Variants in PDZD2 observed in about 807,000 individuals in gnomAD.
PDZD2 encodes PDZ domain-containing protein 2.
Under a neutral mutation model 220.7 loss-of-function variants are expected in PDZD2, and 90 were observed. That is an observed-to-expected ratio of 0.41 (90% CI 0.34 to 0.49). The LOEUF is 0.49. Ranked by LOEUF, PDZD2 falls within the 20% of genes least tolerant of loss-of-function variation. The pLI, the probability that PDZD2 is intolerant of heterozygous loss-of-function variation, is 0.28. For synonymous variants in PDZD2, 1,375 were observed against 1,450.5 expected, an observed-to-expected ratio of 0.95 and a Z score of 1.18; for missense variants, 3,174 against 3,608.5, an observed-to-expected ratio of 0.88 and a Z score of 3.08.
chr5:32,029,993 T>C (rs1754996756), intron 6 of PDZD2, among the ~76,000 whole-genome samples: 1 of 152,086 alleles, frequency 6.6e-6, no homozygotes, highest in African/African-American at 2.4e-5. Context: ...CCAACTGGAG[T>C]TGGAGGGAAA....
At chr5:31,786,981 T>A (rs982128232) in intron 1 of PDZD2, among the ~76,000 whole-genome samples, 2 of 152,194 alleles carry the variant, frequency 1.3e-5, no homozygotes, top group Middle Eastern at 3.4e-3. Flanking sequence ...ATCCTGTTTT[T>A]AAAAAAAATC....
At chr5:31,779,619 T>C (rs1279250678) in intron 1 of PDZD2, among the ~76,000 whole-genome samples, 3 of 151,980 alleles carry the variant, frequency 2.0e-5, no homozygotes, top group African/African-American at 7.3e-5. Context: ...GTGATCCGCC[T>C]GCCTCGGCCT....
At chr5:31,683,044 A>G (rs1746710279) in intron 1 of PDZD2, among the ~76,000 whole-genome samples, 1 of 151,910 alleles carries the variant, frequency 6.6e-6, no homozygotes, top group African/African-American at 2.4e-5. Context: ...GACCCCTGCC[A>G]TCTGGTGTTT....
chr5:31,738,890 A>ATT lies in PDZD2; in HGVS notation c.-360-59987_-360-59986dup, dbSNP rs200920695. Reference sequence around the variant, plus strand: ...ATACAGGATTTTTAAATATATATAGATTTTTTTTTTTTTCAGACACAGTCT... The same window carrying ATT: ...ATACAGGATTTTTAAATATATATAGATTTTTTTTTTTTTTTCAGACACAGTCT... On this transcript the variant is annotated intron_variant, in intron 1 of 24. Coordinates refer to ENST00000438447, the MANE Select transcript of PDZD2 (RefSeq NM_178140.4). Among the ~76,000 whole-genome samples the ATT allele has an allele frequency of 5.8e-4, 85 of 146,796 alleles. 1 individual carries two copies. Among genetic ancestry groups the ATT allele is most frequent in the East Asian group, 2.8e-3 (14 of 5,004 alleles).
chr5:31,690,260 G>T (rs183113652), intron 1 of PDZD2, among the ~76,000 whole-genome samples: 51 of 152,208 alleles, frequency 3.4e-4, no homozygotes, highest in African/African-American at 1.2e-3. Flanking sequence ...ACTTCGGTTT[G>T]CTCCTCTGTT....
intron 1 of PDZD2, among the ~76,000 whole-genome samples, chr5:31,685,873 T>C (rs1486580844): frequency 6.6e-6 from 1 of 152,000 alleles, no homozygotes; most frequent in Non-Finnish European, 1.5e-5. Context: ...TCAGTGTTTT[T>C]ACTATGTATT....
chr5:31,650,793 T>C (rs1402806529), intron 1 of PDZD2, among the ~76,000 whole-genome samples: 1 of 152,212 alleles, frequency 6.6e-6, no homozygotes, highest in Non-Finnish European at 1.5e-5. Context: ...CCTCCTGATG[T>C]TCCTTACACA....
chr5:31,881,746 C>T (rs1292350389), intron 2 of PDZD2, among the ~76,000 whole-genome samples: 2 of 151,208 alleles, frequency 1.3e-5, no homozygotes, highest in South Asian at 2.1e-4. Flanking sequence ...GATGGTGTCT[C>T]ACTCTGTCAC....
chr5:31,671,214 G>A (rs190878499), intron 1 of PDZD2, among the ~76,000 whole-genome samples: 37 of 152,172 alleles, frequency 2.4e-4, no homozygotes, highest in Non-Finnish European at 4.6e-4. Flanking sequence ...GAAGATAAGT[G>A]CAAGGAATGG....
intron 2 of PDZD2, among the ~76,000 whole-genome samples, chr5:31,956,656 G>A (rs1223224446): frequency 1.3e-5 from 2 of 150,362 alleles, no homozygotes; most frequent in South Asian, 2.1e-4. Flanking sequence ...CTATTCGGGA[G>A]GCTGAGGCAG....
At chr5:31,799,957 G>A (rs1003961359) in intron 2 of PDZD2, among the ~76,000 whole-genome samples, 2 of 152,106 alleles carry the variant, frequency 1.3e-5, no homozygotes, top group Non-Finnish European at 2.9e-5. Context: ...CTTAGTCCCA[G>A]CAACCGTGAG....
intron 6 of PDZD2, among the ~76,000 whole-genome samples, chr5:32,026,283 T>A (rs1754656410): frequency 6.6e-6 from 1 of 152,046 alleles, no homozygotes; most frequent in Admixed American, 6.6e-5. Flanking sequence ...ACTACAGGCA[T>A]GTGCCACCAC....
chr5:32,014,196 G>A (rs1289648534), intron 6 of PDZD2, among the ~76,000 whole-genome samples: 1 of 152,204 alleles, frequency 6.6e-6, no homozygotes, highest in African/African-American at 2.4e-5. Flanking sequence ...TGATGATGAT[G>A]AAACCTGCCG....
chr5:31,933,870 A>G (rs1484527767), intron 2 of PDZD2, among the ~76,000 whole-genome samples: 2 of 152,218 alleles, frequency 1.3e-5, no homozygotes, highest in Non-Finnish European at 2.9e-5. Context: ...CGAAGAAGGC[A>G]GAGCCCCAGA....
rs1384273166 is a variant in PDZD2, at chr5:32,089,810, A to G, written c.6362A>G (p.Gln2121Arg). 1 of 1,614,146 alleles carries G rather than the reference A, an allele frequency of 6.2e-7. No individual in the cohort carries two copies. Among genetic ancestry groups the G allele is most frequent in the Non-Finnish European group, 8.5e-7 (1 of 1,180,008 alleles). The change falls in exon 20 of 25, where the codon CAG (glutamine) becomes CGG (arginine). Residue 2121 changes from glutamine to arginine, a missense_variant. Physicochemically the swap from Gln to Arg is conservative, Grantham distance 43 (BLOSUM62 1). Around this residue, in one of 4 missense-constraint regions of PDZD2, gnomAD observed 1,861 missense variants for 2,001.0 expected, o/e 0.93. Coordinates refer to ENST00000438447, the MANE Select transcript of PDZD2 (RefSeq NM_178140.4). ...ESDRRGGCLA[Q>R]GNCQEKSEIR... ...GACAGACGGGGAGGGTGCTTGGCCC[A>G]GGGCAACTGTCAGGAGAAGAGTGAA...
rs1368700509 is a variant in PDZD2 at position 31,692,332 on chromosome 5, C to T, written c.-361+52895C>T. ...AAGCACCGGGCGCGGCCCCGGTTCCCGCCCGCGCCTCTCCCTCCAAACCTC... is the reference window on the plus strand; with the variant it reads ...AAGCACCGGGCGCGGCCCCGGTTCCTGCCCGCGCCTCTCCCTCCAAACCTC... On this transcript the variant is annotated intron_variant, in intron 1 of 24. Coordinates refer to ENST00000438447, the MANE Select transcript of PDZD2 (RefSeq NM_178140.4). 3.3e-5 allele frequency among the ~76,000 whole-genome samples: 5 copies of T among 152,224 alleles called. No individual in the cohort carries two copies. The South Asian group carries it at 6.2e-4, about 19-fold the overall frequency.
intron 2 of PDZD2, among the ~76,000 whole-genome samples, chr5:31,933,276 G>T (rs372361600): frequency 6.6e-6 from 1 of 152,010 alleles, no homozygotes; most frequent in South Asian, 2.1e-4. Context: ...TCCTTTTTAC[G>T]GCTGAATAGT....
chr5:32,103,795 C>T (rs536179728), intron 24 of PDZD2: 19 of 152,448 alleles, frequency 1.2e-4, no homozygotes, highest in Admixed American at 4.6e-4. Flanking sequence ...TAAAGCAGCA[C>T]ATCGGCTGGG....
At chr5:31,716,527 G>A (rs181932995) in intron 1 of PDZD2, among the ~76,000 whole-genome samples, 198 of 152,338 alleles carry the variant, frequency 1.3e-3, no homozygotes, top group Middle Eastern at 3.4e-3. Context: ...TGTAGGCCAG[G>A]CGCGGTGGTT....
Sources: gnomAD v4.1 joint callset for allele counts (sites outside exome capture counted in the v4.1 genomes callset) on GRCh38, gnomAD v4.1.1 for gene constraint, gnomAD v4.1.1 regional missense constraint, MANE v1.5 for transcripts, NCBI Gene and HGNC (gene_info 2026-07-23, HGNC 2026-07-21) for gene names.